C2CD5: variants seen among roughly 807,000 people sequenced by gnomAD.
C2CD5 encodes C2 domain-containing protein 5.
A neutral mutation model predicts 130.3 loss-of-function variants in C2CD5; 109 were observed. The observed-to-expected ratio is 0.84, with a 90% CI of 0.72 to 0.98. The LOEUF is 0.98. Among genes scored for constraint, C2CD5 ranks in the 50% least tolerant of loss-of-function variants. C2CD5 has a pLI of 0.00. For synonymous variants in C2CD5, 454 were observed against 429.2 expected, an observed-to-expected ratio of 1.06 and a Z score of -0.71; for missense variants, 996 against 1,261.8, an observed-to-expected ratio of 0.79 and a Z score of 3.19.
intron 20 of C2CD5, 41 bp from the exon 21 acceptor site, chr12:22,470,952 T>A (rs372006952): frequency 5.9e-6 from 8 of 1,366,130 alleles, no homozygotes; most frequent in African/African-American, 1.4e-5. Context: ...AAATAATCAC[T>A]GCCAAAACTA....
intron 8 of C2CD5, among the ~76,000 whole-genome samples, chr12:22,516,919 T>C (rs1949779703): frequency 6.6e-6 from 1 of 151,936 alleles, no homozygotes. Flanking sequence ...AACTACATTA[T>C]TTGTAGACAT....
In C2CD5 at chr12:22,456,081, C is replaced by A. The variant is rs186185032; in HGVS notation, c.2877+890G>T. Among the ~76,000 whole-genome samples the A allele has an allele frequency of 1.0e-3, 153 of 152,290 alleles. No homozygotes were observed. The Middle Eastern group carries it at 0.01, about 10-fold the overall frequency. The stretch of plus-strand genomic sequence containing the variant: ...AAAAACATATTGTGTTTATTCCATG[C>A]CAGCTACTGTGCTAGGCGCAGGATG... On this transcript the variant is annotated intron_variant, in intron 25 of 26. Coordinates refer to ENST00000446597, the MANE Select transcript of C2CD5 (RefSeq NM_001286176.2).
intron 10 of C2CD5, among the ~76,000 whole-genome samples, chr12:22,493,746 T>C (rs1452888302): frequency 6.6e-6 from 1 of 152,058 alleles, no homozygotes; most frequent in Non-Finnish European, 1.5e-5. Context: ...TCTGATTTCA[T>C]TTCTTGGTAC....
chr12:22,500,045 A>C (rs1178727868), intron 10 of C2CD5, among the ~76,000 whole-genome samples: 1 of 151,994 alleles, frequency 6.6e-6, no homozygotes, highest in African/African-American at 2.4e-5. Flanking sequence ...TTAGCCAGGC[A>C]TGGTGGCACG....
intron 7 of C2CD5, among the ~76,000 whole-genome samples, chr12:22,519,587 A>C (rs534917013): frequency 1.7e-4 from 26 of 152,278 alleles, no homozygotes; most frequent in Admixed American, 9.1e-4. Flanking sequence ...AATAGAACTT[A>C]CTATGCACTA....
intron 17 of C2CD5, 148 bp downstream of exon 17, chr12:22,472,596 T>A (rs1014797023): frequency 4.4e-6 from 3 of 684,858 alleles, no homozygotes; most frequent in African/African-American, 3.7e-5. Flanking sequence ...TTAAGGTATG[T>A]TTTCTACCTT....
intron 10 of C2CD5, among the ~76,000 whole-genome samples, chr12:22,505,035 A>G (rs955500810): frequency 3.3e-5 from 5 of 152,182 alleles, no homozygotes; most frequent in Non-Finnish European, 7.4e-5. Flanking sequence ...TTTAGAGTTA[A>G]ATAATCCTGA....
At chr12:22,512,691 A>C (rs1286568108) in intron 9 of C2CD5, 36 of 1,480,842 alleles carry the variant, frequency 2.4e-5, no homozygotes, top group Non-Finnish European at 3.1e-5. Context: ...TTAGCAATGA[A>C]GTTTATTTAA....
chr12:22,489,845 C>T (rs1248480215), intron 12 of C2CD5, among the ~76,000 whole-genome samples: 2 of 150,364 alleles, frequency 1.3e-5, no homozygotes, highest in Non-Finnish European at 3.0e-5. Flanking sequence ...TATATCATGA[C>T]AAAGCAAAAA....
chr12:22,472,244 A>G, intron 18 of C2CD5, 42 bp downstream of exon 18: 2 of 1,169,070 alleles, frequency 1.7e-6, no homozygotes, highest in Non-Finnish European at 2.5e-6. Flanking sequence ...TACTAAAATA[A>G]CTTATGTGTT....
At chr12:22,456,428 T>C (rs1006718200) in intron 25 of C2CD5, among the ~76,000 whole-genome samples, 2 of 152,150 alleles carry the variant, frequency 1.3e-5, no homozygotes, top group African/African-American at 4.8e-5. Flanking sequence ...CCACATCAAG[T>C]AAAATATTAC....
At chr12:22,468,996 A>C (rs931246428) in intron 22 of C2CD5, among the ~76,000 whole-genome samples, 1 of 152,178 alleles carries the variant, frequency 6.6e-6, no homozygotes, top group Non-Finnish European at 1.5e-5. Context: ...CACATACTAC[A>C]TTTATCTAAT....
At chr12:22,499,390 T>C (rs1013302028) in intron 10 of C2CD5, among the ~76,000 whole-genome samples, 4 of 152,212 alleles carry the variant, frequency 2.6e-5, no homozygotes, top group Non-Finnish European at 5.9e-5. Flanking sequence ...ACTTTCTAAC[T>C]ATTCACCTTT....
intron 7 of C2CD5, among the ~76,000 whole-genome samples, chr12:22,522,031 C>T (rs1950314639): frequency 6.6e-6 from 1 of 152,146 alleles, no homozygotes. Context: ...CCGAATCTGT[C>T]CTACCATCTG....
chr12:22,505,250 CTTTCTT>C (rs1406812240), intron 10 of C2CD5, among the ~76,000 whole-genome samples: 1 of 138,746 alleles, frequency 7.2e-6, no homozygotes, highest in African/African-American at 2.9e-5. Flanking sequence ...ACCCTTCTTT[CTTTCTT>C]TTTTTTTTTT....
chr12:22,536,815 T>G (rs1186022287), intron 2 of C2CD5, among the ~76,000 whole-genome samples: 1 of 152,118 alleles, frequency 6.6e-6, no homozygotes, highest in African/African-American at 2.4e-5. Context: ...TCAATCTTTT[T>G]TAATGGGGAG....
intron 9 of C2CD5, among the ~76,000 whole-genome samples, chr12:22,507,394 C>T (rs1183041165): frequency 6.6e-6 from 1 of 151,816 alleles, no homozygotes; most frequent in African/African-American, 2.4e-5. Flanking sequence ...TCTATCAACA[C>T]CAATGTGGCA....
At chr12:22,525,145 C>T (rs545977984) in intron 5 of C2CD5, among the ~76,000 whole-genome samples, 14 of 152,218 alleles carry the variant, frequency 9.2e-5, no homozygotes, top group African/African-American at 3.1e-4. Context: ...TACATCTGTA[C>T]CAAATTAGTC....
chr12:22,537,429 G>C (rs1565817693), intron 2 of C2CD5, among the ~76,000 whole-genome samples: 1 of 151,596 alleles, frequency 6.6e-6, no homozygotes, highest in Admixed American at 6.6e-5. Context: ...GAAACAAAAA[G>C]AAAAAGGCTG....
Sources: gnomAD v4.1 joint callset for allele counts (sites outside exome capture counted in the v4.1 genomes callset) on GRCh38, gnomAD v4.1.1 for gene constraint, MANE v1.5 for transcripts, NCBI Gene and HGNC (gene_info 2026-07-23, HGNC 2026-07-21) for gene names.